The following IQGAP2 variants were observed in gnomAD, a reference collection of about 807,000 sequenced individuals.
IQGAP2 encodes IQ motif containing GTPase activating protein 2.
IQGAP2 carries 173 observed loss-of-function variants against 201.3 expected under a neutral mutation model. That is an observed-to-expected ratio of 0.86 (90% CI 0.76 to 0.98). The LOEUF (loss-of-function observed/expected upper bound fraction) is 0.98. Ranked by LOEUF, IQGAP2 falls within the 50% of genes least tolerant of loss-of-function variation. The pLI, the probability that IQGAP2 is intolerant of heterozygous loss-of-function variation, is 0.00. For missense variants in IQGAP2, 1,687 were observed against 1,864.8 expected (o/e 0.90, Z 1.76); for synonymous variants, 675 against 673.9 (o/e 1.00, Z -0.03).
chr5:76,643,648 T>G (rs1751769176), intron 17 of IQGAP2, among the ~76,000 whole-genome samples: 1 of 152,136 alleles, frequency 6.6e-6, no homozygotes, highest in Admixed American at 6.5e-5. Context: ...AGGAGGAAGT[T>G]TTTTTCATGA....
intron 2 of IQGAP2, among the ~76,000 whole-genome samples, chr5:76,479,661 A>G (rs780091685): frequency 6.6e-5 from 10 of 152,136 alleles, no homozygotes; most frequent in Non-Finnish European, 1.3e-4. Flanking sequence ...GGGATTTTAA[A>G]GGACCTCTGT....
intron 28 of IQGAP2, among the ~76,000 whole-genome samples, chr5:76,678,883 T>C (rs1019854744): frequency 6.6e-6 from 1 of 152,208 alleles, no homozygotes; most frequent in African/African-American, 2.4e-5. Context: ...TAGTATTGAT[T>C]TTCTTCTTTC....
At chr5:76,697,773 G>C (rs1746889429) in intron 32 of IQGAP2, among the ~76,000 whole-genome samples, 1 of 152,144 alleles carries the variant, frequency 6.6e-6, no homozygotes, top group African/African-American at 2.4e-5. Flanking sequence ...ATGTTAACAA[G>C]TCTCTTAAAG....
intron 2 of IQGAP2, among the ~76,000 whole-genome samples, chr5:76,542,580 C>T (rs189106874): frequency 7.4e-4 from 112 of 152,330 alleles, no homozygotes; most frequent in Admixed American, 9.1e-4. Flanking sequence ...TTCTGTTCTA[C>T]CTAGCTACTT....
chr5:76,445,684 C>T (rs140673997), intron 1 of IQGAP2, among the ~76,000 whole-genome samples: 3,188 of 152,178 alleles, frequency 0.021, 52 homozygotes, highest in Middle Eastern at 0.034. Context: ...AGGCTGGTCT[C>T]GAACTCCTGA....
chr5:76,403,866 T>A lies in IQGAP2; in HGVS notation c.46+275T>A, dbSNP rs1157072453. Among the ~76,000 whole-genome samples, 1 of 152,090 alleles carries A rather than the reference T, an allele frequency of 6.6e-6. No individual in the cohort carries two copies. The highest frequency in any genetic ancestry group is 2.4e-5 in the African/African-American group (1 of 41,424). ...TGCGCGGGCAGTGCGGGGATTGCGCTCTGGGACAGACCAGGTTGGGATTTT... is the reference window on the plus strand; with the variant it reads ...TGCGCGGGCAGTGCGGGGATTGCGCACTGGGACAGACCAGGTTGGGATTTT... On this transcript the variant is annotated intron_variant, in intron 1 of 35. Coordinates refer to ENST00000274364, the MANE Select transcript of IQGAP2 (RefSeq NM_006633.5). The surrounding 1 kb of genome is among the most constrained non-coding windows in gnomAD (Gnocchi z 4.8).
intron 1 of IQGAP2, among the ~76,000 whole-genome samples, chr5:76,412,790 A>T (rs1249329616): frequency 6.6e-6 from 1 of 152,226 alleles, no homozygotes; most frequent in Non-Finnish European, 1.5e-5. Context: ...GATGCCATGC[A>T]AACATTAAAT....
At chr5:76,560,384 T>C (rs1453223813) in intron 2 of IQGAP2, among the ~76,000 whole-genome samples, 1 of 151,534 alleles carries the variant, frequency 6.6e-6, no homozygotes. Context: ...TTCAAACTCC[T>C]GGTCTCAAGC....
rs78484282 is a variant in IQGAP2, at chr5:76,544,682, G to A, written c.147-17714G>A. Among the ~76,000 whole-genome samples, 11 of 152,276 alleles carry A rather than the reference G, an allele frequency of 7.2e-5. No homozygotes were observed. In the East Asian group the frequency reaches 2.1e-3, roughly 29 times the overall value. On this transcript the variant is annotated intron_variant, in intron 2 of 35. Transcript: ENST00000274364. ...ACAGAGTGAGTGGTTGCTTAATTAA[G>A]TGCTTTAATTTTTTTTGGTCATATA...
chr5:76,671,798 C>G lies in IQGAP2; in HGVS notation c.2883C>G (p.Asn961Lys). The change falls in exon 24 of 36, where the codon AAC becomes AAG. Residue 961 changes from asparagine (N) to lysine (K), a missense_variant. Physicochemically the swap from Asn to Lys is moderately conservative, Grantham distance 94. Transcript: ENST00000274364. ...AGGTACAGGACATAGTTACTGGTAA[C>G]CCTACAGTCATCAAGATGGTCGTCA... ...VDQVQDIVTG[N>K]PTVIKMVVSF... 1.2e-6 allele frequency: 2 copies of G among 1,613,930 alleles called. No homozygotes were observed. Among genetic ancestry groups the G allele is most frequent in the Non-Finnish European group, 1.7e-6 (2 of 1,179,958 alleles).
chr5:76,518,833 G>A (rs1352670055), intron 2 of IQGAP2, among the ~76,000 whole-genome samples: 2 of 152,036 alleles, frequency 1.3e-5, no homozygotes, highest in Admixed American at 1.3e-4. Context: ...TTTAAATATA[G>A]TTAATAAAAA....
intron 3 of IQGAP2, among the ~76,000 whole-genome samples, chr5:76,564,084 A>G (rs1486120751): frequency 6.6e-6 from 1 of 152,350 alleles, no homozygotes; most frequent in South Asian, 2.1e-4. Flanking sequence ...ATTTGTGTTC[A>G]TGAAGTTTCA....
At chr5:76,473,420 A>G (rs545052746) in intron 2 of IQGAP2, among the ~76,000 whole-genome samples, 1 of 151,778 alleles carries the variant, frequency 6.6e-6, no homozygotes, top group South Asian at 2.1e-4. Context: ...GGAATAATTT[A>G]TCTTGTATTT....
At chr5:76,573,377 A>C (rs1745248871) in intron 4 of IQGAP2, among the ~76,000 whole-genome samples, 1 of 152,190 alleles carries the variant, frequency 6.6e-6, no homozygotes, top group South Asian at 2.1e-4. Context: ...GTATTCCTTC[A>C]TTTATCAATA....
At chr5:76,534,589 G>T (rs1759511877) in intron 2 of IQGAP2, among the ~76,000 whole-genome samples, 1 of 152,198 alleles carries the variant, frequency 6.6e-6, no homozygotes, top group Non-Finnish European at 1.5e-5. Flanking sequence ...GTGAGCCTAT[G>T]ATTTATTTAT....
intron 2 of IQGAP2, among the ~76,000 whole-genome samples, chr5:76,496,726 TTTCTTTCTTTCTTTC>T (rs1756938200): frequency 4.1e-5 from 1 of 24,248 alleles, no homozygotes; most frequent in Non-Finnish European, 7.3e-5. Flanking sequence ...CTTTCTTTCT[TTTCTTTCTTTCTTTC>T]TTTCTTTCTT....
intron 1 of IQGAP2, among the ~76,000 whole-genome samples, chr5:76,460,694 G>A (rs554852305): frequency 7.2e-5 from 11 of 152,002 alleles, no homozygotes; most frequent in Non-Finnish European, 1.5e-4. Flanking sequence ...AAAAGAAAAT[G>A]TTTTTGACAC....
At chr5:76,483,135 A>G (rs1052561552) in intron 2 of IQGAP2, among the ~76,000 whole-genome samples, 1 of 152,242 alleles carries the variant, frequency 6.6e-6, no homozygotes, top group Admixed American at 6.5e-5. Context: ...GAGTCAAAGA[A>G]TGTGCGCCTT....
intron 22 of IQGAP2, among the ~76,000 whole-genome samples, chr5:76,668,404 T>C (rs1461739003): frequency 6.6e-6 from 1 of 151,432 alleles, no homozygotes; most frequent in Non-Finnish European, 1.5e-5. Context: ...ATATTTGATA[T>C]TAATATTTTA....
Sources: gnomAD v4.1 joint callset for allele counts (sites outside exome capture counted in the v4.1 genomes callset) on GRCh38, gnomAD v4.1.1 for gene constraint, Gnocchi (gnomAD v3.1) non-coding constraint, MANE v1.5 for transcripts, NCBI Gene and HGNC (gene_info 2026-07-23, HGNC 2026-07-21) for gene names.